GRM1: variants seen among roughly 807,000 people sequenced by gnomAD.
The protein encoded by GRM1 is glutamate metabotropic receptor 1, also known as metabotropic glutamate receptor 1.
A neutral mutation model predicts 90.9 loss-of-function variants in GRM1; 33 were observed. The ratio of observed to expected loss-of-function variants is 0.36; its 90% confidence interval spans 0.28 to 0.49. The LOEUF (loss-of-function observed/expected upper bound fraction) is 0.49, where lower values mean the gene tolerates loss of function less well. Among genes scored for constraint, GRM1 ranks in the 20% least tolerant of loss-of-function variants. The pLI is 0.99. For synonymous variants in GRM1, 700 were observed against 613.2 expected, an observed-to-expected ratio of 1.14 and a Z score of -2.09; for missense variants, 1,190 against 1,534.3, an observed-to-expected ratio of 0.78 and a Z score of 3.75.
chr6:146,114,839 C>T (rs1775682891), intron 1 of GRM1, among the ~76,000 whole-genome samples: 1 of 151,960 alleles, frequency 6.6e-6, no homozygotes, highest in Non-Finnish European at 1.5e-5. Context: ...GCATTGCTAT[C>T]CCCATTTTAA....
intron 1 of GRM1, among the ~76,000 whole-genome samples, chr6:146,145,996 T>C (rs1209843255): frequency 6.6e-6 from 1 of 151,980 alleles, no homozygotes; most frequent in Non-Finnish European, 1.5e-5. Flanking sequence ...ATTTAACGTC[T>C]GCTCTCTTGG....
chr6:146,227,375 A>G (rs1257314405), intron 2 of GRM1, among the ~76,000 whole-genome samples: 1 of 152,166 alleles, frequency 6.6e-6, no homozygotes, highest in Non-Finnish European at 1.5e-5. Context: ...CATGGTATAC[A>G]TAATTTACAC....
At chr6:146,080,913 T>C (rs1776344415) in intron 1 of GRM1, among the ~76,000 whole-genome samples, 1 of 152,202 alleles carries the variant, frequency 6.6e-6, no homozygotes, top group Non-Finnish European at 1.5e-5. Context: ...TCCTACTGAA[T>C]TTCCCACACC....
At chr6:146,128,290 G>C (rs566849869) in intron 1 of GRM1, among the ~76,000 whole-genome samples, 4 of 152,162 alleles carry the variant, frequency 2.6e-5, no homozygotes, top group African/African-American at 9.7e-5. Context: ...GCCATCTTTA[G>C]AAAATGCAAT....
intron 1 of GRM1, among the ~76,000 whole-genome samples, chr6:146,099,050 C>T (rs1289219764): frequency 6.6e-6 from 1 of 152,116 alleles, no homozygotes; most frequent in Non-Finnish European, 1.5e-5. Flanking sequence ...AAGAAAAGTA[C>T]ATACAACCCA....
intron 1 of GRM1, among the ~76,000 whole-genome samples, chr6:146,142,434 A>C (rs1776914614): frequency 6.6e-6 from 1 of 152,080 alleles, no homozygotes. Context: ...TGCTGGGCTC[A>C]CAATTGGTAT....
chr6:146,067,015 C>G (rs1469871307), intron 1 of GRM1, among the ~76,000 whole-genome samples: 2 of 152,154 alleles, frequency 1.3e-5, no homozygotes, highest in African/African-American at 2.4e-5. Flanking sequence ...TCACATTTAA[C>G]CACATAAGTA....
chr6:146,434,309 A>C lies in GRM1; in HGVS notation c.3098A>C (p.Gln1033Pro), dbSNP rs1220516896. Residue 1033 changes from glutamine (Q) to proline (P), a missense_variant, in exon 8 of 8, where the codon CAG becomes CCG. Gln to Pro is a moderately conservative substitution (Grantham distance 76). Transcript: ENST00000282753. Reference sequence around the variant, plus strand: ...CCACAGCAGAAATCGCTGATGGACCAGCTCCAGGGAGTGGTCAGCAACTTC... The same window carrying C: ...CCACAGCAGAAATCGCTGATGGACCCGCTCCAGGGAGTGGTCAGCAACTTC... ...PPPQQKSLMD[Q>P]LQGVVSNFST... 1 of 1,606,640 alleles carries C rather than the reference A, an allele frequency of 6.2e-7. No individual in the cohort carries two copies. The highest frequency in any genetic ancestry group is 1.1e-5 in the South Asian group (1 of 90,690).
At chr6:146,087,363 T>C (rs144164701) in intron 1 of GRM1, among the ~76,000 whole-genome samples, 1 of 152,148 alleles carries the variant, frequency 6.6e-6, no homozygotes, top group Admixed American at 6.6e-5. Flanking sequence ...CACAGTACCA[T>C]GTCAAAACCA....
Position 146,290,739 on chromosome 6 carries a change from G to C in GRM1, c.951-13872G>C, listed in dbSNP as rs1430302787. On this transcript the variant is annotated intron_variant, in intron 2 of 7. Coordinates refer to ENST00000282753, the MANE Select transcript of GRM1 (RefSeq NM_001278064.2). ...TTTGTTTTCTAATTTCACAGGCATA[G>C]ATGGAGAGGAGTTTGGCCCCAGGAT... 2.0e-5 allele frequency among the ~76,000 whole-genome samples: 3 copies of C among 152,174 alleles called. No individual in the cohort carries two copies. In the East Asian group the frequency reaches 5.8e-4, roughly 29 times the overall value.
At chr6:146,189,405 A>G (rs1320460157) in intron 2 of GRM1, among the ~76,000 whole-genome samples, 1 of 152,060 alleles carries the variant, frequency 6.6e-6, no homozygotes, top group African/African-American at 2.4e-5. Context: ...AGCAATTCCT[A>G]TTCTGATTCT....
chr6:146,291,951 C>A (rs533370036), intron 2 of GRM1, among the ~76,000 whole-genome samples: 64 of 152,032 alleles, frequency 4.2e-4, no homozygotes, highest in African/African-American at 1.4e-3. Flanking sequence ...AATGTGGTAC[C>A]AGCATAAGGA....
rs557478345 is a variant in GRM1 at position 146,226,349 on chromosome 6, A to G, written c.950+66752A>G. ...AACTTCAAGTGATAACAATACTGTG[A>G]GAAACAAAAAAGAGATGAAAAGAAA... is the stretch of plus-strand genomic sequence containing the variant. On this transcript the variant is annotated intron_variant, in intron 2 of 7. Transcript: ENST00000282753. Among the ~76,000 whole-genome samples the G allele has an allele frequency of 3.3e-5, 5 of 152,276 alleles. No individual in the cohort carries two copies. In the South Asian group the frequency reaches 1.0e-3, roughly 32 times the overall value.
At chr6:146,060,574 A>G (rs1381913807) in intron 1 of GRM1, among the ~76,000 whole-genome samples, 2 of 152,186 alleles carry the variant, frequency 1.3e-5, no homozygotes, top group Non-Finnish European at 2.9e-5. Flanking sequence ...TGCAGAGGAC[A>G]TGATCTTGTT....
chr6:146,400,820 T>C (rs1378027635), intron 7 of GRM1, among the ~76,000 whole-genome samples: 1 of 152,186 alleles, frequency 6.6e-6, no homozygotes, highest in Non-Finnish European at 1.5e-5. Context: ...TTGTTAATAA[T>C]CATTCCATCC....
At chr6:146,415,766 T>C (rs1189615365) in intron 7 of GRM1, among the ~76,000 whole-genome samples, 1 of 152,218 alleles carries the variant, frequency 6.6e-6, no homozygotes, top group South Asian at 2.1e-4. Context: ...TGCCCATTAA[T>C]AGGGTTGAAG....
chr6:146,130,440 G>A (rs1239218209), intron 1 of GRM1, among the ~76,000 whole-genome samples: 1 of 152,080 alleles, frequency 6.6e-6, no homozygotes, highest in Non-Finnish European at 1.5e-5. Flanking sequence ...ATATTGAACA[G>A]TTGAGAATTA....
intron 2 of GRM1, among the ~76,000 whole-genome samples, chr6:146,198,522 G>C (rs1171950131): frequency 6.6e-6 from 1 of 152,164 alleles, no homozygotes; most frequent in Non-Finnish European, 1.5e-5. Context: ...GACTTCAGCT[G>C]CCAAGTATGT....
At chr6:146,414,214 A>G (rs1457450682) in intron 7 of GRM1, among the ~76,000 whole-genome samples, 1 of 151,762 alleles carries the variant, frequency 6.6e-6, no homozygotes, top group African/African-American at 2.4e-5. Flanking sequence ...AATTTTAGCC[A>G]CTCTAATGCG....
Sources: allele counts gnomAD v4.1 joint callset (sites outside exome capture counted in the v4.1 genomes callset), GRCh38; gene constraint gnomAD v4.1.1; transcripts MANE v1.5; gene names NCBI Gene and HGNC (gene_info 2026-07-23, HGNC 2026-07-21).